The following DSCAM variants were observed in gnomAD, a reference collection of about 807,000 sequenced individuals.
The protein encoded by DSCAM is cell adhesion molecule DSCAM.
Under a neutral mutation model 217.7 loss-of-function variants are expected in DSCAM, and 47 were observed. The ratio of observed to expected loss-of-function variants is 0.22; its 90% CI spans 0.17 to 0.28. The LOEUF is 0.28. Ranked by LOEUF, DSCAM falls within the 10% of genes least tolerant of loss-of-function variation. The probability of loss-of-function intolerance (pLI) is 1.00; values close to 1 mark genes in which losing one functional copy is unlikely to be tolerated. For missense variants in DSCAM, 2,080 were observed against 2,618.3 expected (o/e 0.79, Z 4.49); for synonymous variants, 1,056 against 1,015.3 (o/e 1.04, Z -0.76).
Position 40,411,175 on chromosome 21 carries a change from T to TACACAC in DSCAM, c.509-41936_509-41931dup, listed in dbSNP as rs902494368. On this transcript the variant is annotated intron_variant, in intron 3 of 32. Coordinates refer to ENST00000400454, the MANE Select transcript of DSCAM (RefSeq NM_001389.5). ...TACTTGAAGATAGACAGTAATTATA[T>TACACAC]ACACACACACACACACACACACACA... Among the ~76,000 whole-genome samples, 87 of 45,134 alleles carry TACACAC rather than the reference T, an allele frequency of 1.9e-3. 3 individuals are homozygous for TACACAC. Among genetic ancestry groups the TACACAC allele is most frequent in the Admixed American group, 6.9e-3 (31 of 4,498 alleles). 29.6% of individuals were successfully genotyped at this position (45,134 alleles called of 152,430 possible). A position where few individuals can be genotyped will look rare whatever the true frequency, so the allele number is the denominator to read the frequency against.
chr21:40,650,302 G>A (rs2089997541), intron 3 of DSCAM, among the ~76,000 whole-genome samples: 1 of 152,162 alleles, frequency 6.6e-6, no homozygotes, highest in Admixed American at 6.5e-5. Context: ...GTTAGACAAG[G>A]TAGTTATCAA....
At chr21:40,659,445 A>G (rs1157614867) in intron 3 of DSCAM, among the ~76,000 whole-genome samples, 1 of 151,566 alleles carries the variant, frequency 6.6e-6, no homozygotes, top group African/African-American at 2.4e-5. Flanking sequence ...TCTCATATCT[A>G]TTCTGTTTTC....
intron 3 of DSCAM, among the ~76,000 whole-genome samples, chr21:40,627,223 G>A (rs545955561): frequency 2.8e-4 from 43 of 152,300 alleles, no homozygotes; most frequent in African/African-American, 1.0e-3. Flanking sequence ...AGAAGTGAAT[G>A]CAAAGAACTA....
chr21:40,696,369 G>T (rs976567510), intron 2 of DSCAM, among the ~76,000 whole-genome samples: 1 of 152,214 alleles, frequency 6.6e-6, no homozygotes, highest in Admixed American at 6.5e-5. Flanking sequence ...GGCAGGGAAA[G>T]TGTGAGTAGG....
intron 1 of DSCAM, among the ~76,000 whole-genome samples, chr21:40,802,944 C>A (rs964819134): frequency 6.6e-6 from 1 of 152,154 alleles, no homozygotes; most frequent in African/African-American, 2.4e-5. Flanking sequence ...ACGCAGCTGA[C>A]CACACCTCAC....
intron 23 of DSCAM, 126 bp downstream of exon 23, chr21:40,085,476 T>C: frequency 1.2e-6 from 1 of 858,728 alleles, no homozygotes; most frequent in Non-Finnish European, 1.6e-6. Context: ...GTTTTCTTTT[T>C]CTGTAATATG....
rs1173483217 is a variant in DSCAM, at chr21:40,183,048, T to C, written c.2780-3954A>G. 1.7e-4 allele frequency among the ~76,000 whole-genome samples: 7 copies of C among 41,696 alleles called. 1 individual carries two copies. Among genetic ancestry groups the C allele is most frequent in the Non-Finnish European group, 2.3e-4 (6 of 25,922 alleles). 27.4% of individuals were successfully genotyped at this position (41,696 alleles called of 152,430 possible). ...AGAGAAACCGTGGACAGGAGGGGGC[T>C]ACCAGAGAAACCGTGGACAGGAGGG... On this transcript the variant is annotated intron_variant, in intron 14 of 32. Transcript: ENST00000400454.
At position 40,353,715 on chromosome 21, in the gene DSCAM, C is replaced by A; in HGVS notation, c.684G>T (p.Leu228=). ...TGGCTTTGCGATGGTCAAACCCATC[C>A]AGTATGGATGGGGCTGAGTTCGCTG... ...SDPANSAPSI[L]DGFDHRKAMA... The change falls in exon 5 of 33, where the codon CTG becomes CTT. Residue 228 remains leucine (L), a synonymous_variant. Transcript: ENST00000400454. 6.3e-7 allele frequency: 1 copy of A among 1,586,210 alleles called. No homozygotes were observed.
chr21:40,351,226 T>A (rs2074627403), intron 5 of DSCAM, among the ~76,000 whole-genome samples: 1 of 152,080 alleles, frequency 6.6e-6, no homozygotes, highest in Admixed American at 6.5e-5. Context: ...TTTGTATGAC[T>A]TGGCAGGACA....
At chr21:40,292,933 T>C (rs1208148146) in intron 10 of DSCAM, among the ~76,000 whole-genome samples, 2 of 152,190 alleles carry the variant, frequency 1.3e-5, no homozygotes, top group East Asian at 3.9e-4. Context: ...AGACGGGGTT[T>C]CACCGTGTTA....
chr21:40,122,405 C>T (rs2090045067), intron 20 of DSCAM, among the ~76,000 whole-genome samples: 2 of 152,140 alleles, frequency 1.3e-5, no homozygotes, highest in African/African-American at 4.8e-5. Flanking sequence ...AACCGTGAAT[C>T]CCATAGCAAA....
intron 11 of DSCAM, among the ~76,000 whole-genome samples, chr21:40,219,296 G>A (rs528373437): frequency 1.3e-5 from 2 of 151,954 alleles, no homozygotes; most frequent in Non-Finnish European, 2.9e-5. Flanking sequence ...TGTGTATGTT[G>A]AATCAACCTT....
chr21:40,395,824 G>C (rs1226425703), intron 3 of DSCAM, among the ~76,000 whole-genome samples: 1 of 152,162 alleles, frequency 6.6e-6, no homozygotes, highest in Admixed American at 6.5e-5. Flanking sequence ...TGGGGAGAAA[G>C]ACATTGGCAT....
chr21:40,803,190 T>C (rs1009348773), intron 1 of DSCAM, among the ~76,000 whole-genome samples: 1 of 152,240 alleles, frequency 6.6e-6, no homozygotes, highest in Non-Finnish European at 1.5e-5. Flanking sequence ...AAATCTCATA[T>C]GTTTTTCAAA....
intron 20 of DSCAM, among the ~76,000 whole-genome samples, chr21:40,118,946 T>C (rs1330228754): frequency 6.6e-6 from 1 of 152,208 alleles, no homozygotes; most frequent in Non-Finnish European, 1.5e-5. Flanking sequence ...CAGAATCTTA[T>C]GACAGATTCT....
chr21:40,766,875 G>T (rs998294558), intron 1 of DSCAM, among the ~76,000 whole-genome samples: 1 of 151,762 alleles, frequency 6.6e-6, no homozygotes, highest in Non-Finnish European at 1.5e-5. Flanking sequence ...TAGTAAAGAC[G>T]GGGTTTCACC....
intron 32 of DSCAM, among the ~76,000 whole-genome samples, chr21:40,018,319 C>A (rs540672646): frequency 6.6e-6 from 1 of 152,040 alleles, no homozygotes; most frequent in East Asian, 1.9e-4. Context: ...ATCTGATAAA[C>A]AAATTGTTAA....
intron 3 of DSCAM, among the ~76,000 whole-genome samples, chr21:40,563,855 T>G (rs1329735794): frequency 2.7e-5 from 4 of 150,498 alleles, no homozygotes; most frequent in African/African-American, 9.7e-5. Flanking sequence ...TTTATATATG[T>G]TTATATGTTT....
chr21:40,500,615 G>A (rs1332326144), intron 3 of DSCAM, among the ~76,000 whole-genome samples: 1 of 152,166 alleles, frequency 6.6e-6, no homozygotes, highest in Non-Finnish European at 1.5e-5. Flanking sequence ...GGAAGAGATG[G>A]CACCTTCAAG....
Sources: allele counts gnomAD v4.1 joint callset (sites outside exome capture counted in the v4.1 genomes callset), GRCh38; gene constraint gnomAD v4.1.1; transcripts MANE v1.5; gene names NCBI Gene and HGNC (gene_info 2026-07-23, HGNC 2026-07-21).